The following BTBD16 variants were observed in gnomAD, a reference collection of about 807,000 sequenced individuals.
BTBD16 encodes the protein BTB domain containing 16, also known as BTB/POZ domain-containing protein 16.
BTBD16 carries 66 observed loss-of-function variants against 67.4 expected under a neutral mutation model. The observed-to-expected ratio is 0.98, with a 90% CI of 0.80 to 1.20. BTBD16 has a LOEUF of 1.20. Among genes scored for constraint, BTBD16 ranks in the 50% most tolerant of loss-of-function variants. BTBD16 has a pLI of 0.00. For missense variants in BTBD16, 634 were observed against 616.0 expected, an observed-to-expected ratio of 1.03 and a Z score of -0.31; for synonymous variants, 242 against 236.4, an observed-to-expected ratio of 1.02 and a Z score of -0.22.
rs528030728 is a variant in BTBD16, at chr10:122,299,538, G to A, written c.791+404G>A. Among the ~76,000 whole-genome samples, 9 of 151,828 alleles carry A rather than the reference G, an allele frequency of 5.9e-5. 1 individual carries two copies. The South Asian group carries it at 1.5e-3, about 25-fold the overall frequency. On this transcript the variant is annotated intron_variant, in intron 9 of 15. Transcript: ENST00000260723. ...CTCTGCTGAATAACTCTACACCCACGTATCTGATCGCCTGCTTGACCTCTC... is the reference window on the plus strand; with the variant it reads ...CTCTGCTGAATAACTCTACACCCACATATCTGATCGCCTGCTTGACCTCTC...
Position 122,334,984 on chromosome 10 carries a change from G to A in BTBD16, c.1263+5G>A. 1 of 1,350,724 alleles carries A rather than the reference G, an allele frequency of 7.4e-7. No homozygotes were observed. The highest frequency in any genetic ancestry group is 1.0e-6 in the Non-Finnish European group (1 of 958,364). The allele number at this position is 1,350,724 out of a possible 1,614,324, so 83.7% of individuals were successfully genotyped here. A position where few individuals can be genotyped will look rare whatever the true frequency, so the allele number is the denominator to read the frequency against. On this transcript the variant is annotated splice_donor_5th_base_variant and intron_variant, in intron 14 of 15. Coordinates refer to ENST00000260723, the MANE Select transcript of BTBD16 (RefSeq NM_144587.5). ...TCTTATAGTTTTTACATGCAGGTAAGGATAGAGTGCATGAAAGTTATGTCT... is the reference window on the plus strand; with the variant it reads ...TCTTATAGTTTTTACATGCAGGTAAAGATAGAGTGCATGAAAGTTATGTCT...
chr10:122,316,468 G>A (rs1246419681), intron 10 of BTBD16, among the ~76,000 whole-genome samples: 1 of 151,972 alleles, frequency 6.6e-6, no homozygotes, highest in African/African-American at 2.4e-5. Flanking sequence ...TTTCATCCTC[G>A]TGCAAACATC....
At chr10:122,332,836 G>A (rs894292802) in intron 13 of BTBD16, 1 of 985,292 alleles carries the variant, frequency 1.0e-6, no homozygotes, top group African/African-American at 1.7e-5. Context: ...GGAAGGGTTG[G>A]TCTTTCTATT....
chr10:122,280,842 G>A (rs2096351427), intron 3 of BTBD16, among the ~76,000 whole-genome samples: 1 of 152,122 alleles, frequency 6.6e-6, no homozygotes, highest in Non-Finnish European at 1.5e-5. Context: ...GTCTTGCTTT[G>A]TTGTCCAGGC....
At position 122,276,852 on chromosome 10, in the gene BTBD16, A is replaced by G; in HGVS notation, c.80A>G (p.Gln27Arg). The G allele has an allele frequency of 6.2e-7, 1 of 1,614,252 alleles. No individual in the cohort carries two copies. Among genetic ancestry groups the G allele is most frequent in the Non-Finnish European group, 8.5e-7 (1 of 1,180,036 alleles). Residue 27 changes from glutamine to arginine, a missense_variant, in exon 3 of 16, where the codon CAG becomes CGG. By Grantham distance (43) the Gln-to-Arg change is conservative (BLOSUM62 1). Transcript: ENST00000260723. ...ACCAACCGGTGGCGTTTGCCCAAAC[A>G]GCCTTTCTCTGGGGACCTGCTCTCA... Reference protein sequence around the residue: ...GSTNRWRLPKQPFSGDLLSLS... With the variant: ...GSTNRWRLPKRPFSGDLLSLS...
rs541376143 is a variant in BTBD16 at position 122,331,266 on chromosome 10, GC to G, written c.1086+10del. On this transcript the variant is annotated intron_variant, in intron 12 of 15. Transcript: ENST00000260723. ...GTCAACCATTACCACGCAGTGAGTT[GC>G]CTGCTCTGCAAGGACACAGTTGTCG... is the stretch of plus-strand genomic sequence containing the variant. 321 of 1,610,946 alleles carry G rather than the reference GC, an allele frequency of 2.0e-4. 8 individuals carry two copies. The South Asian group carries it at 3.4e-3, about 17-fold the overall frequency.
intron 11 of BTBD16, 132 bp from the exon 12 acceptor site, chr10:122,331,044 C>A (rs2096454235): frequency 1.6e-6 from 2 of 1,213,494 alleles, no homozygotes; most frequent in East Asian, 2.7e-5. Flanking sequence ...GTCAATCAAA[C>A]CTTAAAGGAG....
At chr10:122,284,106 G>A (rs1047136702) in intron 4 of BTBD16, among the ~76,000 whole-genome samples, 182 bp downstream of exon 4, 2 of 152,162 alleles carry the variant, frequency 1.3e-5, no homozygotes, top group African/African-American at 4.8e-5. Context: ...AATGTGCAGT[G>A]AGTGAAGTCA....
intron 7 of BTBD16, among the ~76,000 whole-genome samples, chr10:122,297,049 T>C (rs2096384643): frequency 6.6e-6 from 1 of 152,248 alleles, no homozygotes; most frequent in Non-Finnish European, 1.5e-5. Context: ...TGACTTCTGG[T>C]CACTTTTCTG....
intron 7 of BTBD16, chr10:122,294,145 G>A (rs1415026663): frequency 9.1e-6 from 9 of 985,322 alleles, no homozygotes; most frequent in Admixed American, 6.1e-5. Flanking sequence ...AGGCCAGGGC[G>A]GGCCTGCACA....
intron 10 of BTBD16, among the ~76,000 whole-genome samples, chr10:122,320,175 T>C (rs1430909401): frequency 3.3e-5 from 5 of 152,122 alleles, no homozygotes. Context: ...CCTTTCTATC[T>C]GTATGCCTGT....
chr10:122,314,544 A>G (rs2142105462), intron 10 of BTBD16, among the ~76,000 whole-genome samples: 1 of 152,302 alleles, frequency 6.6e-6, no homozygotes, highest in Admixed American at 6.5e-5. Context: ...TCTCAATAAA[A>G]TTTAATAGTT....
At chr10:122,289,442 A>T (rs2096369768) in intron 5 of BTBD16, among the ~76,000 whole-genome samples, 3 of 152,180 alleles carry the variant, frequency 2.0e-5, no homozygotes, top group Admixed American at 6.5e-5. Context: ...ATAAGTATTT[A>T]AAAATGCGTC....
At chr10:122,328,722 C>G (rs919905116) in intron 10 of BTBD16, 5 of 982,426 alleles carry the variant, frequency 5.1e-6, no homozygotes, top group Non-Finnish European at 6.0e-6. Context: ...CCCATTGTCC[C>G]CATTTATGAA....
At chr10:122,281,737 TC>T (rs1216056914) in intron 3 of BTBD16, among the ~76,000 whole-genome samples, 1 of 152,142 alleles carries the variant, frequency 6.6e-6, no homozygotes, top group Non-Finnish European at 1.5e-5. Context: ...AGGACTGGGG[TC>T]CAGCCCCAGG....
chr10:122,298,963 G>A (rs2096388708), intron 8 of BTBD16, 41 bp from the exon 9 acceptor site: 1 of 1,608,008 alleles, frequency 6.2e-7, no homozygotes. Context: ...GGTGCCAAGA[G>A]CTCAGGACTT....
At chr10:122,288,188 T>C (rs2096367265) in intron 5 of BTBD16, among the ~76,000 whole-genome samples, 1 of 152,234 alleles carries the variant, frequency 6.6e-6, no homozygotes, top group African/African-American at 2.4e-5. Flanking sequence ...TGCCACCTCC[T>C]GCATGCCTAC....
At chr10:122,328,571 C>G (rs1244830557) in intron 10 of BTBD16, among the ~76,000 whole-genome samples, 1 of 152,332 alleles carries the variant, frequency 6.6e-6, no homozygotes, top group Non-Finnish European at 1.5e-5. Flanking sequence ...GTGGTGCCCT[C>G]TGTCCAGCTG....
intron 15 of BTBD16, among the ~76,000 whole-genome samples, chr10:122,337,106 A>C (rs1394473646): frequency 1.3e-5 from 2 of 152,208 alleles, no homozygotes; most frequent in Non-Finnish European, 2.9e-5. Context: ...CATCTACCTC[A>C]GTAGGTGGTT....
Sources: allele counts gnomAD v4.1 joint callset (sites outside exome capture counted in the v4.1 genomes callset), GRCh38; gene constraint gnomAD v4.1.1; transcripts MANE v1.5; gene names NCBI Gene and HGNC (gene_info 2026-07-23, HGNC 2026-07-21).